TGM6: variants seen among roughly 807,000 people sequenced by gnomAD.
TGM6 encodes transglutaminase 6.
In TGM6, 74 loss-of-function variants were observed where a neutral mutation model predicts 77.5. That is an observed-to-expected ratio of 0.96 (90% CI 0.79 to 1.16). TGM6 has a LOEUF of 1.16. Among genes scored for constraint, TGM6 ranks in the 50% most tolerant of loss-of-function variants. The probability of loss-of-function intolerance (pLI) is 0.00; values close to 1 mark genes in which losing one functional copy is unlikely to be tolerated. For synonymous variants in TGM6, 383 were observed against 378.9 expected (o/e 1.01, Z -0.12); for missense variants, 968 against 940.2 (o/e 1.03, Z -0.39).
intron 7 of TGM6, 100 bp downstream of exon 7, chr20:2,400,544 A>G (rs2084701021): frequency 6.4e-7 from 1 of 1,550,912 alleles, no homozygotes; most frequent in Admixed American, 1.7e-5. Context: ...GCAGGCCCAG[A>G]GCCCAGCTCT....
chr20:2,429,400 T>C (rs2084908869), intron 10 of TGM6, among the ~76,000 whole-genome samples: 1 of 148,924 alleles, frequency 6.7e-6, no homozygotes, highest in African/African-American at 2.5e-5. Flanking sequence ...CAATAGGGAA[T>C]GAGAGGGCCT....
chr20:2,404,101 G>A (rs2084733832), intron 9 of TGM6, among the ~76,000 whole-genome samples: 1 of 152,216 alleles, frequency 6.6e-6, no homozygotes, highest in Admixed American at 6.5e-5. Flanking sequence ...ACCAGGCACT[G>A]CATTAGGTAT....
At chr20:2,422,710 T>C (rs1195781542) in intron 10 of TGM6, among the ~76,000 whole-genome samples, 1 of 151,950 alleles carries the variant, frequency 6.6e-6, no homozygotes, top group African/African-American at 2.4e-5. Context: ...GGCAGAAGGA[T>C]CACTTGAGCT....
intron 5 of TGM6, among the ~76,000 whole-genome samples, 155 bp downstream of exon 5, chr20:2,398,201 T>G (rs1599950071): frequency 6.6e-6 from 1 of 152,192 alleles, no homozygotes; most frequent in African/African-American, 2.4e-5. Flanking sequence ...AAAACAACCC[T>G]TTATTATGCT....
Position 2,394,547 on chromosome 20 carries a change from G to A in TGM6, c.103G>A (p.Gly35Ser), listed in dbSNP as rs781744455. The change falls in exon 2 of 13, where the codon GGC (glycine) becomes AGC (serine). Residue 35 changes from glycine to serine, a missense_variant. Coordinates refer to ENST00000202625, the MANE Select transcript of TGM6 (RefSeq NM_198994.3). Reference sequence around the variant, plus strand: ...CTGCCCTGAGCTGGTGGTTCGCAGGGGCCAGTCGTTCAGCCTCACGCTGGA... The same window carrying A: ...CTGCCCTGAGCTGGTGGTTCGCAGGAGCCAGTCGTTCAGCCTCACGCTGGA... Reference protein sequence around the residue: ...YPCPELVVRRGQSFSLTLELS... With the variant: ...YPCPELVVRRSQSFSLTLELS... 6.2e-7 allele frequency: 1 copy of A among 1,612,054 alleles called. No individual in the cohort carries two copies. Among genetic ancestry groups the A allele is most frequent in the South Asian group, 1.1e-5 (1 of 90,964 alleles).
intron 4 of TGM6, 25 bp downstream of exon 4, chr20:2,396,649 A>G: frequency 6.2e-7 from 1 of 1,610,708 alleles, no homozygotes; most frequent in Non-Finnish European, 8.5e-7. Context: ...AGGCCAGACA[A>G]GGATGTGGGC....
At chr20:2,395,512 C>T in intron 3 of TGM6, 76 bp downstream of exon 3, 1 of 1,612,112 alleles carries the variant, frequency 6.2e-7, no homozygotes, top group South Asian at 1.1e-5. Flanking sequence ...TGGAGGGGGC[C>T]TGGGAGGTGG....
At chr20:2,393,151 AT>A (rs1443493822) in intron 1 of TGM6, among the ~76,000 whole-genome samples, 1 of 152,264 alleles carries the variant, frequency 6.6e-6, no homozygotes, top group Non-Finnish European at 1.5e-5. Context: ...GCCAAAATCT[AT>A]ACTCTGCACT....
intron 4 of TGM6, 73 bp from the exon 5 acceptor site, chr20:2,397,845 G>GT: frequency 6.2e-7 from 1 of 1,613,162 alleles, no homozygotes; most frequent in South Asian, 1.1e-5. Flanking sequence ...GACTGACCGG[G>GT]TGAGGGCTGT....
At chr20:2,414,388 T>C (rs2084802018) in intron 9 of TGM6, among the ~76,000 whole-genome samples, 1 of 152,172 alleles carries the variant, frequency 6.6e-6, no homozygotes. Flanking sequence ...CCACTAGAAC[T>C]ACCGTCATCA....
intron 9 of TGM6, among the ~76,000 whole-genome samples, chr20:2,405,071 G>A (rs2084740360): frequency 6.6e-6 from 1 of 152,226 alleles, no homozygotes; most frequent in Admixed American, 6.5e-5. Flanking sequence ...TCTTCTCCAG[G>A]TGGTGCTGGC....
intron 10 of TGM6, among the ~76,000 whole-genome samples, chr20:2,426,887 A>C (rs1471341625): frequency 6.6e-6 from 1 of 152,120 alleles, no homozygotes; most frequent in Non-Finnish European, 1.5e-5. Flanking sequence ...TTTTTTATAC[A>C]TTGTTAATTC....
chr20:2,409,783 G>T (rs1033997007), intron 9 of TGM6, among the ~76,000 whole-genome samples: 4 of 150,416 alleles, frequency 2.7e-5, no homozygotes, highest in African/African-American at 9.7e-5. Flanking sequence ...AAACAAGAAA[G>T]ATTAAAGTGG....
rs918866520 is a variant in TGM6, at chr20:2,430,794, G to A, written c.1834-100G>A. ...CAATGGGGTATATGGAGGTGGGGGT[G>A]GACATGACTAATGATCCATCCTCTA... On this transcript the variant is annotated intron_variant, in intron 11 of 12. Coordinates refer to ENST00000202625, the MANE Select transcript of TGM6 (RefSeq NM_198994.3). 5 of 1,606,594 alleles carry A rather than the reference G, an allele frequency of 3.1e-6. No homozygotes were observed. The African/African-American group carries it at 5.4e-5, about 17-fold the overall frequency.
At position 2,398,015 on chromosome 20, in the gene TGM6, C is replaced by T; in HGVS notation, c.641C>T (p.Pro214Leu). 3 of 1,614,130 alleles carry T rather than the reference C, an allele frequency of 1.9e-6. No homozygotes were observed. The highest frequency in any genetic ancestry group is 8.5e-7 in the Non-Finnish European group (1 of 1,180,012). ...PATDVSCRHN[P>L]IYVTRVISAM... ...ACCGACGTGTCCTGCCGCCACAACC[C>T]CATCTACGTCACCAGGGTCATCAGT... Residue 214 changes from proline (P) to leucine (L), a missense_variant, in exon 5 of 13, where the codon CCC becomes CTC. Physicochemically the swap from Pro to Leu is moderately conservative, Grantham distance 98 (BLOSUM62 -3). Coordinates refer to ENST00000202625, the MANE Select transcript of TGM6 (RefSeq NM_198994.3).
At chr20:2,400,575 G>A (rs2084701281) in intron 7 of TGM6, 131 bp downstream of exon 7, 1 of 1,378,804 alleles carries the variant, frequency 7.3e-7, no homozygotes, top group Non-Finnish European at 1.0e-6. Context: ...AGCCGGCTCT[G>A]GAGGGAGTGA....
In TGM6 at chr20:2,399,695, C is replaced by G. The variant is rs1313069450; in HGVS notation, c.807C>G (p.Val269=). 1.9e-6 allele frequency: 3 copies of G among 1,613,958 alleles called. No homozygotes were observed. The highest frequency in any genetic ancestry group is 2.2e-5 in the South Asian group (2 of 91,072). The change falls in exon 6 of 13, where the codon GTC becomes GTG. Residue 269 remains valine (V), a synonymous_variant. Coordinates refer to ENST00000202625, the MANE Select transcript of TGM6 (RefSeq NM_198994.3). ...GGCTCAAGGGCAGGTACAAGCCAGT[C>G]AAGTACGGCCAGTGCTGGGTCTTCG... is the stretch of plus-strand genomic sequence containing the variant. ...QKWLKGRYKP[V]KYGQCWVFAG...
chr20:2,417,482 CAACCT>C lies in TGM6; in HGVS notation c.1588_1592del (p.Asn530GlufsTer18). The C allele has an allele frequency of 6.2e-7, 1 of 1,609,740 alleles. No homozygotes were observed. The highest frequency in any genetic ancestry group is 8.5e-7 in the Non-Finnish European group (1 of 1,179,900). ...CCTCCCGGGCCCAGCGGGTGAGGGT[CAACCT>C]GAGCGGTGCCACCATCCTCTATACC... On this transcript the variant is annotated frameshift_variant, in exon 10 of 13. Coordinates refer to ENST00000202625, the MANE Select transcript of TGM6 (RefSeq NM_198994.3). LOFTEE classifies it high-confidence loss of function.
At position 2,430,616 on chromosome 20, in the gene TGM6, A is replaced by C; in HGVS notation, c.1833+16A>C. The C allele has an allele frequency of 6.2e-7, 1 of 1,613,866 alleles. No individual in the cohort carries two copies. The highest frequency in any genetic ancestry group is 8.5e-7 in the Non-Finnish European group (1 of 1,180,016). ...CACCATCAAGGTGACCTCAGCCTGC[A>C]TCTACCATGCTGTTCCTAGTGGCAC... On this transcript the variant is annotated intron_variant, in intron 11 of 12. Coordinates refer to ENST00000202625, the MANE Select transcript of TGM6 (RefSeq NM_198994.3).
Sources: allele counts gnomAD v4.1 joint callset (sites outside exome capture counted in the v4.1 genomes callset), GRCh38; gene constraint gnomAD v4.1.1; transcripts MANE v1.5; gene names NCBI Gene and HGNC (gene_info 2026-07-23, HGNC 2026-07-21).